Variants in RAD51B observed in about 807,000 individuals in gnomAD.
RAD51B encodes the protein RAD51 paralog B.
Under a neutral mutation model 42.2 loss-of-function variants are expected in RAD51B, and 38 were observed. The ratio of observed to expected loss-of-function variants is 0.90; its 90% confidence interval spans 0.70 to 1.18. RAD51B has a LOEUF of 1.18. Among genes scored for constraint, RAD51B ranks in the 50% most tolerant of loss-of-function variants. The probability of loss-of-function intolerance (pLI) is 0.00; values close to 1 mark genes in which losing one functional copy is unlikely to be tolerated. For synonymous variants in RAD51B, 154 were observed against 145.2 expected (o/e 1.06, Z -0.43); for missense variants, 373 against 400.7 (o/e 0.93, Z 0.59).
chr14:68,559,605 C>G (rs1282471971), intron 10 of RAD51B, among the ~76,000 whole-genome samples: 1 of 152,238 alleles, frequency 6.6e-6, no homozygotes, highest in East Asian at 1.9e-4. Flanking sequence ...GTCTCGAACT[C>G]CTGACCTCAT....
rs1273026540 is a variant in RAD51B at position 68,091,666 on chromosome 14, G to T, written c.757-200218G>T. ...TGTGGGTTGCCTGTTCACTCTGATG[G>T]TAGTTTCTTTTGCTGTGCAGAAGCT... On this transcript the variant is annotated intron_variant, in intron 7 of 10. Coordinates refer to ENST00000471583, the MANE Select transcript of RAD51B (RefSeq NM_133510.4). Among the ~76,000 whole-genome samples the T allele has an allele frequency of 3.9e-5, 6 of 152,244 alleles. No homozygotes were observed. In the East Asian group the frequency reaches 9.6e-4, roughly 24 times the overall value.
intron 10 of RAD51B, among the ~76,000 whole-genome samples, chr14:68,627,752 A>C (rs1892122395): frequency 6.6e-6 from 1 of 152,206 alleles, no homozygotes; most frequent in African/African-American, 2.4e-5. Flanking sequence ...CCTACTTCAG[A>C]AACCTTATCT....
At chr14:68,543,370 C>T (rs1888065770) in intron 10 of RAD51B, among the ~76,000 whole-genome samples, 1 of 152,154 alleles carries the variant, frequency 6.6e-6, no homozygotes, top group Non-Finnish European at 1.5e-5. Flanking sequence ...TTGAAGTCAA[C>T]ACTTTTATTC....
intron 7 of RAD51B, among the ~76,000 whole-genome samples, chr14:67,948,058 G>GA (rs139380010): frequency 0.024 from 3,581 of 152,190 alleles, 80 homozygotes; most frequent in African/African-American, 0.055. Context: ...ATTTGTTAAG[G>GA]AAAAAATCTG....
intron 3 of RAD51B, among the ~76,000 whole-genome samples, chr14:67,833,114 A>G (rs895989051): frequency 6.6e-6 from 1 of 152,142 alleles, no homozygotes. Flanking sequence ...AGTGGCTCAC[A>G]CCTGTAATCC....
chr14:68,520,196 C>T (rs1886475739), intron 10 of RAD51B, among the ~76,000 whole-genome samples: 1 of 152,204 alleles, frequency 6.6e-6, no homozygotes, highest in Non-Finnish European at 1.5e-5. Flanking sequence ...CCAGAGGAAT[C>T]CTTAATGGGC....
chr14:68,290,869 C>T (rs755532619), intron 7 of RAD51B, among the ~76,000 whole-genome samples: 23 of 151,930 alleles, frequency 1.5e-4, no homozygotes, highest in Non-Finnish European at 2.6e-4. Flanking sequence ...TGCAATGGCA[C>T]GATCTAAGCT....
intron 7 of RAD51B, among the ~76,000 whole-genome samples, chr14:67,995,611 CT>C (rs759241351): frequency 0.012 from 1,656 of 141,904 alleles, 15 homozygotes; most frequent in African/African-American, 0.035. Flanking sequence ...ATTTTATATT[CT>C]TTTTTTTTTT....
intron 7 of RAD51B, among the ~76,000 whole-genome samples, chr14:67,984,053 C>T (rs1194995680): frequency 6.6e-6 from 1 of 151,936 alleles, no homozygotes; most frequent in Non-Finnish European, 1.5e-5. Context: ...ATTCTCCTGC[C>T]TCAGCCTCCC....
chr14:68,347,110 T>C (rs1400633151), intron 8 of RAD51B, among the ~76,000 whole-genome samples: 2 of 152,122 alleles, frequency 1.3e-5, no homozygotes, highest in African/African-American at 4.8e-5. Context: ...TTTTCATGAA[T>C]TGTCTGCAAC....
rs567057145 is a variant in RAD51B at position 67,839,597 on chromosome 14, G to A, written c.315+4401G>A. Among the ~76,000 whole-genome samples the A allele has an allele frequency of 4.6e-5, 7 of 151,886 alleles. No individual in the cohort carries two copies. The South Asian group carries it at 6.2e-4, about 14-fold the overall frequency. ...AAAAAAAATCTTGTCAGAAGTTTGAGTATGTATGTCATCATTTTAAAGAAC... is the reference window on the plus strand; with the variant it reads ...AAAAAAAATCTTGTCAGAAGTTTGAATATGTATGTCATCATTTTAAAGAAC... On this transcript the variant is annotated intron_variant, in intron 4 of 10. Coordinates refer to ENST00000471583, the MANE Select transcript of RAD51B (RefSeq NM_133510.4).
intron 1 of RAD51B, among the ~76,000 whole-genome samples, chr14:67,823,171 T>C (rs1344831065): frequency 6.6e-6 from 1 of 152,218 alleles, no homozygotes; most frequent in East Asian, 1.9e-4. Flanking sequence ...TTTGGAAATA[T>C]GCCTTGAAAG....
chr14:67,952,266 C>T lies in RAD51B; in HGVS notation c.756+65062C>T, dbSNP rs2074467715. Among the ~76,000 whole-genome samples the T allele has an allele frequency of 2.0e-5, 3 of 151,032 alleles. No individual in the cohort carries two copies. In the South Asian group the frequency reaches 6.3e-4, roughly 32 times the overall value. On this transcript the variant is annotated intron_variant, in intron 7 of 10. Transcript: ENST00000471583. Reference sequence around the variant, plus strand: ...AGAAACAGTTGTCCAAACTTTTGAACTATAATAAGCTATTTTGAAGTGTCA... The same window carrying T: ...AGAAACAGTTGTCCAAACTTTTGAATTATAATAAGCTATTTTGAAGTGTCA...
chr14:68,056,975 G>C (rs2076486428), intron 7 of RAD51B, among the ~76,000 whole-genome samples: 1 of 151,384 alleles, frequency 6.6e-6, no homozygotes, highest in Admixed American at 6.6e-5. Flanking sequence ...TATAATCCCA[G>C]CTACTCAGGA....
chr14:68,433,903 G>A (rs2085080206), intron 9 of RAD51B, among the ~76,000 whole-genome samples: 1 of 152,148 alleles, frequency 6.6e-6, no homozygotes, highest in African/African-American at 2.4e-5. Flanking sequence ...CTTTGATGAT[G>A]GTGATGTACA....
At chr14:67,835,503 T>C (rs946163273) in intron 4 of RAD51B, among the ~76,000 whole-genome samples, 1 of 151,892 alleles carries the variant, frequency 6.6e-6, no homozygotes, top group African/African-American at 2.4e-5. Context: ...CATACATATA[T>C]GTTATATATA....
At chr14:68,606,149 G>A (rs1891438592) in intron 10 of RAD51B, among the ~76,000 whole-genome samples, 1 of 152,200 alleles carries the variant, frequency 6.6e-6, no homozygotes, top group East Asian at 1.9e-4. Flanking sequence ...AGTTCATCAG[G>A]TGATTCTAAG....
intron 7 of RAD51B, among the ~76,000 whole-genome samples, chr14:68,061,053 C>CTTT (rs755916680): frequency 8.2e-3 from 835 of 101,306 alleles, no homozygotes; most frequent in African/African-American, 0.021. Flanking sequence ...TATTTGAGGT[C>CTTT]TTTTTTTTTT....
intron 5 of RAD51B, among the ~76,000 whole-genome samples, 193 bp downstream of exon 5, chr14:67,865,332 G>C (rs1045512301): frequency 6.6e-6 from 1 of 151,016 alleles, no homozygotes; most frequent in Non-Finnish European, 1.5e-5. Flanking sequence ...CACCTCTTGG[G>C]TTCAAGCGAT....
Sources: allele counts gnomAD v4.1 joint callset (sites outside exome capture counted in the v4.1 genomes callset), GRCh38; gene constraint gnomAD v4.1.1; transcripts MANE v1.5; gene names NCBI Gene and HGNC (gene_info 2026-07-23, HGNC 2026-07-21).